Variants in NDUFA10 observed in about 807,000 individuals in gnomAD.
NDUFA10 encodes the protein NADH dehydrogenase [ubiquinone] 1 alpha subcomplex subunit 10, mitochondrial.
Under a neutral mutation model 47.8 loss-of-function variants are expected in NDUFA10, and 40 were observed. That is an observed-to-expected ratio of 0.84 (90% CI 0.65 to 1.09). The LOEUF (loss-of-function observed/expected upper bound fraction) is 1.09, where lower values mean the gene tolerates loss of function less well. Among genes scored for constraint, NDUFA10 ranks in the 50% least tolerant of loss-of-function variants. The pLI, the probability that NDUFA10 is intolerant of heterozygous loss-of-function variation, is 0.00. For synonymous variants in NDUFA10, 183 were observed against 172.2 expected (o/e 1.06, Z -0.49); for missense variants, 413 against 451.1 (o/e 0.92, Z 0.76).
intron 9 of NDUFA10, among the ~76,000 whole-genome samples, chr2:239,968,739 G>A (rs972632351): frequency 1.2e-4 from 19 of 152,204 alleles, no homozygotes; most frequent in African/African-American, 4.1e-4. Flanking sequence ...AAAACTCCAT[G>A]AAGCTGGACA....
chr2:239,982,504 C>G (rs1695817721), intron 9 of NDUFA10, among the ~76,000 whole-genome samples: 2 of 152,314 alleles, frequency 1.3e-5, no homozygotes, highest in South Asian at 4.1e-4. Flanking sequence ...GCCTGGTGGC[C>G]TCTGCGAGTT....
intron 5 of NDUFA10, chr2:240,012,501 G>A (rs1697181299): frequency 6.6e-6 from 1 of 152,184 alleles, no homozygotes; most frequent in Admixed American, 6.5e-5. Context: ...GAGAGAGGAA[G>A]GAAGAAAGAA....
At chr2:240,015,237 C>G (rs889064194) in intron 4 of NDUFA10, among the ~76,000 whole-genome samples, 1 of 152,198 alleles carries the variant, frequency 6.6e-6, no homozygotes, top group African/African-American at 2.4e-5. Flanking sequence ...ACATCTTAGC[C>G]ACATTTAAGG....
At chr2:239,908,645 C>T (rs1428441568) in intron 4 of NDUFA10, among the ~76,000 whole-genome samples, 1 of 152,196 alleles carries the variant, frequency 6.6e-6, no homozygotes, top group Non-Finnish European at 1.5e-5. Flanking sequence ...TCCACCAATG[C>T]GCTGTTAGGA....
At position 239,900,040 on chromosome 2, in the gene NDUFA10, C is replaced by A. The variant is rs1383779465; in HGVS notation, c.295-4726G>T. On this transcript the variant is annotated intron_variant, in intron 4 of 5. Coordinates refer to the NDUFA10 transcript ENST00000419408. ...AGCAGAAGAAAGTGGAATGAGCAGACTTGCTGAGTCTTCCAGCCTTCATCT... is the reference window on the plus strand; with the variant it reads ...AGCAGAAGAAAGTGGAATGAGCAGAATTGCTGAGTCTTCCAGCCTTCATCT... Among the ~76,000 whole-genome samples, 5 of 152,152 alleles carry A rather than the reference C, an allele frequency of 3.3e-5. No individual in the cohort carries two copies. The East Asian group carries it at 9.7e-4, about 30-fold the overall frequency.
intron 8 of NDUFA10, among the ~76,000 whole-genome samples, chr2:240,003,014 TA>T (rs1244621999): frequency 6.6e-6 from 1 of 152,130 alleles, no homozygotes; most frequent in African/African-American, 2.4e-5. Flanking sequence ...CATACCCAGA[TA>T]ATTTTTAAAT....
chr2:239,961,982 T>A (rs568565934), intron 9 of NDUFA10, among the ~76,000 whole-genome samples: 5 of 152,074 alleles, frequency 3.3e-5, no homozygotes, highest in Non-Finnish European at 7.4e-5. Flanking sequence ...CAGGGAGATC[T>A]GGGGGGCAAC....
intron 4 of NDUFA10, among the ~76,000 whole-genome samples, chr2:239,897,458 C>G (rs1693418858): frequency 6.6e-6 from 1 of 151,956 alleles, no homozygotes; most frequent in Admixed American, 6.6e-5. Flanking sequence ...AAATTAGAGA[C>G]AAGTTTAGAC....
chr2:240,020,953 T>C (rs943388144), intron 3 of NDUFA10: 1 of 587,412 alleles, frequency 1.7e-6, no homozygotes, highest in Non-Finnish European at 3.0e-6. Flanking sequence ...AAGCTTAAAG[T>C]AGTGCCTTGA....
At chr2:239,956,181 G>A (rs990199315), downstream of NDUFA10, among the ~76,000 whole-genome samples, 7 of 152,182 alleles carry the variant, frequency 4.6e-5, no homozygotes, top group Non-Finnish European at 5.9e-5. Flanking sequence ...AACAAGCAGC[G>A]CTGCGTCCCC....
intron 4 of NDUFA10, among the ~76,000 whole-genome samples, chr2:239,929,754 T>TTGCTCCTCCACTGCCCC (rs1478143752): frequency 1.1e-4 from 11 of 101,956 alleles, no homozygotes; most frequent in Admixed American, 4.0e-4. Flanking sequence ...TCCACTGCTC[T>TTGCTCCTCCACTGCCCC]TGCTCCTCCA....
chr2:239,972,849 T>C (rs1259534733), intron 9 of NDUFA10, among the ~76,000 whole-genome samples: 2 of 152,180 alleles, frequency 1.3e-5, no homozygotes, highest in Admixed American at 6.5e-5. Flanking sequence ...AACCTGAAAA[T>C]GGTATGCTTT....
At chr2:239,947,932 G>C (rs1046773845) in intron 4 of NDUFA10, among the ~76,000 whole-genome samples, 3 of 152,152 alleles carry the variant, frequency 2.0e-5, no homozygotes, top group Admixed American at 2.0e-4. Context: ...CCCTTCTTGA[G>C]CGTGGGCACT....
chr2:239,988,932 CAG>C (rs1198196256), intron 9 of NDUFA10, among the ~76,000 whole-genome samples: 6 of 143,700 alleles, frequency 4.2e-5, no homozygotes, highest in African/African-American at 1.6e-4. Context: ...TGTACAAGGA[CAG>C]AAAGGGAGAA....
intron 4 of NDUFA10, among the ~76,000 whole-genome samples, chr2:239,908,518 G>A (rs560683009): frequency 2.5e-4 from 38 of 152,326 alleles, no homozygotes; most frequent in African/African-American, 8.7e-4. Flanking sequence ...CCACTGCTAA[G>A]GCAGCTCCCT....
Position 239,960,802 on chromosome 2 carries a change from C to T in NDUFA10, c.*316G>A. On this transcript the variant is annotated 3_prime_UTR_variant, in exon 10 of 10. Coordinates refer to ENST00000252711, the MANE Select transcript of NDUFA10 (RefSeq NM_004544.4). ...AAAACAATGTGCACAACCTGAATGA[C>T]ACAGAGCGGCAGCGCTGAAACCACA... 1.1e-5 allele frequency: 14 copies of T among 1,281,110 alleles called. No individual in the cohort carries two copies. Among genetic ancestry groups the T allele is most frequent in the Non-Finnish European group, 1.4e-5 (14 of 1,001,150 alleles). The allele number at this position is 1,281,110 out of a possible 1,614,324, so 79.4% of individuals were successfully genotyped here.
chr2:239,903,631 T>C (rs1023291849), intron 4 of NDUFA10, among the ~76,000 whole-genome samples: 2 of 152,256 alleles, frequency 1.3e-5, no homozygotes, highest in African/African-American at 4.8e-5. Context: ...AGGAAAAGAA[T>C]GTCAATTATA....
chr2:239,971,669 G>A (rs1200538259), intron 9 of NDUFA10, among the ~76,000 whole-genome samples: 2 of 152,174 alleles, frequency 1.3e-5, no homozygotes, highest in Admixed American at 6.5e-5. Flanking sequence ...ACTTGCCTAC[G>A]GTCACGTGGC....
intron 4 of NDUFA10, among the ~76,000 whole-genome samples, chr2:239,907,638 C>T (rs1395524575): frequency 4.6e-5 from 7 of 152,176 alleles, no homozygotes; most frequent in Non-Finnish European, 8.8e-5. Context: ...CCAACAGACA[C>T]GTGAAAAATG....
Sources: allele counts gnomAD v4.1 joint callset (sites outside exome capture counted in the v4.1 genomes callset), GRCh38; gene constraint gnomAD v4.1.1; transcripts MANE v1.5; gene names NCBI Gene and HGNC (gene_info 2026-07-23, HGNC 2026-07-21).